The following ACADSB variants were observed in gnomAD, a reference collection of about 807,000 sequenced individuals.
ACADSB encodes the protein acyl-CoA dehydrogenase short/branched chain, also known as short/branched chain specific acyl-CoA dehydrogenase, mitochondrial.
A neutral mutation model predicts 54.1 loss-of-function variants in ACADSB; 40 were observed. The observed-to-expected ratio is 0.74, with a 90% CI of 0.57 to 0.96. The LOEUF is 0.96. Among genes scored for constraint, ACADSB ranks in the 40% least tolerant of loss-of-function variants. The probability of loss-of-function intolerance (pLI) is 0.00; values close to 1 mark genes in which losing one functional copy is unlikely to be tolerated. For missense variants in ACADSB, 530 were observed against 510.4 expected, an observed-to-expected ratio of 1.04 and a Z score of -0.37; for synonymous variants, 182 against 182.8, an observed-to-expected ratio of 1.00 and a Z score of 0.03.
chr10:123,022,589 T>G (rs1850197164), intron 1 of ACADSB, among the ~76,000 whole-genome samples: 1 of 152,226 alleles, frequency 6.6e-6, no homozygotes, highest in African/African-American at 2.4e-5. Context: ...TGAGCTAACT[T>G]TTAGATAACT....
In ACADSB at chr10:123,034,462, A is replaced by T. The variant is rs1179332327; in HGVS notation, c.149A>T (p.His50Leu). The T allele has an allele frequency of 1.2e-6, 2 of 1,612,848 alleles. No individual in the cohort carries two copies. The highest frequency in any genetic ancestry group is 3.3e-5 in the Admixed American group (2 of 60,024). ...CTCAATATAACAAATAATGGAATAC[A>T]CTTTGCTCCCCTGCAAACATTTACA... ...ALLNITNNGI[H>L]FAPLQTFTDE... Residue 50 changes from histidine (H) to leucine (L), a missense_variant, in exon 2 of 11, where the codon CAC becomes CTC. Coordinates refer to ENST00000358776, the MANE Select transcript of ACADSB (RefSeq NM_001609.4).
intron 2 of ACADSB, 133 bp from the exon 3 acceptor site, chr10:123,037,614 A>C (rs1050535812): frequency 4.5e-5 from 27 of 595,976 alleles, no homozygotes; most frequent in Non-Finnish European, 7.6e-5. Context: ...AAAACTTTAT[A>C]AATTCTATTT....
At chr10:123,044,228 C>T (rs925189276) in intron 6 of ACADSB, among the ~76,000 whole-genome samples, 165 bp from the exon 7 acceptor site, 42 of 152,300 alleles carry the variant, frequency 2.8e-4, no homozygotes, top group African/African-American at 8.9e-4. Flanking sequence ...GAGTCCTTTT[C>T]CTCAGAGAGC....
intron 1 of ACADSB, among the ~76,000 whole-genome samples, chr10:123,012,491 C>A (rs958782082): frequency 6.6e-6 from 1 of 152,150 alleles, no homozygotes; most frequent in Non-Finnish European, 1.5e-5. Context: ...CACGGACCCT[C>A]GCGGTGAGTG....
intron 7 of ACADSB, among the ~76,000 whole-genome samples, chr10:123,045,131 G>GTATATATATA (rs759224009): frequency 2.6e-4 from 7 of 26,874 alleles, no homozygotes; most frequent in East Asian, 1.1e-3. Context: ...TTTGTAGAGT[G>GTATATATATA]TATATATATA....
chr10:123,045,407 C>T (rs1273829318), intron 7 of ACADSB, among the ~76,000 whole-genome samples: 1 of 151,362 alleles, frequency 6.6e-6, no homozygotes, highest in African/African-American at 2.4e-5. Context: ...GTCTCAATCT[C>T]CTGACCTCGT....
chr10:123,013,604 CG>C (rs1564745238), intron 1 of ACADSB, among the ~76,000 whole-genome samples: 2 of 152,206 alleles, frequency 1.3e-5, no homozygotes, highest in African/African-American at 2.4e-5. Context: ...CTGGCGGTGG[CG>C]GGGAGACTCA....
intron 1 of ACADSB, among the ~76,000 whole-genome samples, chr10:123,033,774 C>G (rs964029896): frequency 6.6e-6 from 1 of 152,092 alleles, no homozygotes; most frequent in Non-Finnish European, 1.5e-5. Flanking sequence ...ATATCAGAAG[C>G]TAGGATTTGA....
chr10:123,050,715 C>G (rs979636056), intron 8 of ACADSB, among the ~76,000 whole-genome samples: 1 of 73,452 alleles, frequency 1.4e-5, no homozygotes, highest in Non-Finnish European at 2.6e-5. Context: ...TTCATTTAAG[C>G]TCAATTTTGA....
chr10:123,021,765 A>G (rs886131450), intron 1 of ACADSB, among the ~76,000 whole-genome samples: 5 of 152,238 alleles, frequency 3.3e-5, no homozygotes, highest in Admixed American at 2.0e-4. Context: ...CTATGACTTA[A>G]TAAGCAGATA....
intron 1 of ACADSB, among the ~76,000 whole-genome samples, chr10:123,012,382 T>C (rs746556155): frequency 6.6e-6 from 1 of 152,176 alleles, no homozygotes; most frequent in Non-Finnish European, 1.5e-5. Context: ...TGATCCCCAG[T>C]GCGGAGGTTT....
At chr10:123,033,795 T>C (rs1027672089) in intron 1 of ACADSB, among the ~76,000 whole-genome samples, 2 of 152,168 alleles carry the variant, frequency 1.3e-5, no homozygotes, top group Non-Finnish European at 2.9e-5. Context: ...AACTAGTTCT[T>C]TCAGACTTCA....
chr10:123,036,210 C>T (rs1047328665), intron 2 of ACADSB, among the ~76,000 whole-genome samples: 17 of 152,186 alleles, frequency 1.1e-4, no homozygotes, highest in Non-Finnish European at 2.2e-4. Flanking sequence ...GCCTCAGCCT[C>T]CCAAGTAGCT....
intron 3 of ACADSB, among the ~76,000 whole-genome samples, chr10:123,039,840 C>G (rs1850447096): frequency 6.6e-6 from 1 of 152,150 alleles, no homozygotes; most frequent in East Asian, 1.9e-4. Flanking sequence ...GAAAGGTCAT[C>G]TAAGTATATA....
rs759013344 is a variant in ACADSB, at chr10:123,051,206, A to C, written c.1128+20A>C. The C allele has an allele frequency of 7.3e-7, 1 of 1,377,120 alleles. No homozygotes were observed. 85.3% of individuals were successfully genotyped at this position (1,377,120 alleles called of 1,614,324 possible). On this transcript the variant is annotated intron_variant, in intron 9 of 10. Coordinates refer to ENST00000358776, the MANE Select transcript of ACADSB (RefSeq NM_001609.4). ...TCAGAGGTAAAAAAAAAAAAAAAAA[A>C]AAAAAAGGAAAAAGTAATTCAGCCT... is the stretch of plus-strand genomic sequence containing the variant.
Position 123,041,437 on chromosome 10 carries a change from AT to A in ACADSB, c.681+59del. Reference sequence around the variant, plus strand: ...CAAACCCCTTCTTTTCTCTTTCTTTATCTTTTCCTCCTTCTGTTTCCTTTTT... The same window carrying A: ...CAAACCCCTTCTTTTCTCTTTCTTTACTTTTCCTCCTTCTGTTTCCTTTTT... On this transcript the variant is annotated intron_variant, in intron 5 of 10. Transcript: ENST00000358776. The A allele has an allele frequency of 1.9e-6, 3 of 1,555,482 alleles. No homozygotes were observed. The South Asian group carries it at 3.3e-5, about 17-fold the overall frequency.
At chr10:123,036,992 G>A (rs1409610191) in intron 2 of ACADSB, among the ~76,000 whole-genome samples, 1 of 152,230 alleles carries the variant, frequency 6.6e-6, no homozygotes, top group African/African-American at 2.4e-5. Flanking sequence ...ATTTATAAAT[G>A]CATCTAAGTC....
chr10:123,024,210 G>T (rs1263438268), intron 1 of ACADSB, among the ~76,000 whole-genome samples: 1 of 152,218 alleles, frequency 6.6e-6, no homozygotes, highest in African/African-American at 2.4e-5. Flanking sequence ...GGTTTCTTTT[G>T]TCCTTAGCCA....
At chr10:123,015,926 A>T (rs1488393205) in intron 1 of ACADSB, among the ~76,000 whole-genome samples, 1 of 152,220 alleles carries the variant, frequency 6.6e-6, no homozygotes, top group African/African-American at 2.4e-5. Flanking sequence ...CGATGATCAG[A>T]AAGGAAGACA....
Sources: allele counts gnomAD v4.1 joint callset (sites outside exome capture counted in the v4.1 genomes callset), GRCh38; gene constraint gnomAD v4.1.1; transcripts MANE v1.5; gene names NCBI Gene and HGNC (gene_info 2026-07-23, HGNC 2026-07-21).